Variants in LHFPL6 observed in about 807,000 individuals in gnomAD.
LHFPL6 encodes the protein LHFPL tetraspan subfamily member 6.
In LHFPL6, 9 loss-of-function variants were observed where a neutral mutation model predicts 20.6. The ratio of observed to expected loss-of-function variants is 0.44; its 90% CI spans 0.26 to 0.76. The LOEUF (loss-of-function observed/expected upper bound fraction) is 0.76. Ranked by LOEUF, LHFPL6 falls within the 30% of genes least tolerant of loss-of-function variation. LHFPL6 has a pLI of 0.20. For synonymous variants in LHFPL6, 105 were observed against 98.7 expected (o/e 1.06, Z -0.38); for missense variants, 218 against 253.5 (o/e 0.86, Z 0.95).
At position 39,343,603 on chromosome 13, in the gene LHFPL6, TTGTGTGTGTGTG is replaced by T. The variant is rs67172252; in HGVS notation, c.*321_*332del. ...ACCCTTGTTTGTATATGTAGATTTG[TTGTGTGTGTGTG>T]TGTGTGTGTGTGTGTGTGTGTGTGT... On this transcript the variant is annotated 3_prime_UTR_variant, in exon 4 of 4. Transcript: ENST00000379589. 4.6e-3 allele frequency: 889 copies of T among 195,134 alleles called. 9 individuals are homozygous for T. Among genetic ancestry groups the T allele is most frequent in the African/African-American group, 0.019 (741 of 39,108 alleles). The allele number at this position is 195,134 out of a possible 1,614,324, so 12.1% of individuals were successfully genotyped here.
intron 3 of LHFPL6, among the ~76,000 whole-genome samples, chr13:39,371,208 A>G (rs1870159610): frequency 6.6e-6 from 1 of 152,232 alleles, no homozygotes; most frequent in African/African-American, 2.4e-5. Context: ...CTTCTTAATC[A>G]AATTAAATAG....
chr13:39,448,053 A>T (rs1872338930), intron 2 of LHFPL6, among the ~76,000 whole-genome samples: 2 of 152,172 alleles, frequency 1.3e-5, no homozygotes, highest in South Asian at 4.1e-4. Context: ...TCAATCACAC[A>T]TTCAGAACTG....
intron 3 of LHFPL6, among the ~76,000 whole-genome samples, chr13:39,351,267 G>A (rs1869562070): frequency 6.6e-6 from 1 of 152,176 alleles, no homozygotes; most frequent in Admixed American, 6.5e-5. Context: ...GTTATGAAGG[G>A]GTCTCTCCTT....
chr13:39,567,867 C>A (rs1470647550), intron 2 of LHFPL6, among the ~76,000 whole-genome samples: 1 of 152,212 alleles, frequency 6.6e-6, no homozygotes, highest in African/African-American at 2.4e-5. Flanking sequence ...TGCTTTCCCA[C>A]CCCAAAGACA....
intron 2 of LHFPL6, among the ~76,000 whole-genome samples, chr13:39,553,542 T>C (rs1047931674): frequency 2.0e-5 from 3 of 152,100 alleles, no homozygotes; most frequent in Non-Finnish European, 4.4e-5. Flanking sequence ...TGAGACTTCA[T>C]CTCTACAAAA....
intron 3 of LHFPL6, among the ~76,000 whole-genome samples, chr13:39,358,717 A>G (rs757568515): frequency 6.6e-6 from 1 of 152,234 alleles, no homozygotes; most frequent in African/African-American, 2.4e-5. Context: ...AACCACATTA[A>G]TAAGTGGGCA....
chr13:39,413,186 C>T (rs1871272950), intron 2 of LHFPL6, among the ~76,000 whole-genome samples: 1 of 152,046 alleles, frequency 6.6e-6, no homozygotes, highest in African/African-American at 2.4e-5. Flanking sequence ...GATATCTAAT[C>T]AAAGAAATCT....
At chr13:39,486,013 C>G (rs184845632) in intron 2 of LHFPL6, among the ~76,000 whole-genome samples, 1 of 152,252 alleles carries the variant, frequency 6.6e-6, no homozygotes, top group Admixed American at 6.5e-5. Context: ...ATCCAAGGCT[C>G]AAGGGTAAAT....
chr13:39,487,272 C>T (rs1345050404), intron 2 of LHFPL6, among the ~76,000 whole-genome samples: 1 of 152,144 alleles, frequency 6.6e-6, no homozygotes, highest in Admixed American at 6.6e-5. Flanking sequence ...AAAAGAAATT[C>T]TTCAATTCCC....
At chr13:39,474,260 T>C (rs1367844849) in intron 2 of LHFPL6, among the ~76,000 whole-genome samples, 3 of 152,238 alleles carry the variant, frequency 2.0e-5, no homozygotes, top group Admixed American at 2.0e-4. Flanking sequence ...TGTCTACTTG[T>C]TGTAATAATA....
rs574618005 is a variant in LHFPL6, at chr13:39,513,709, T to C, written c.385+87123A>G. 2.5e-3 allele frequency among the ~76,000 whole-genome samples: 382 copies of C among 152,304 alleles called. 2 individuals carry two copies. Among genetic ancestry groups the C allele is most frequent in the Non-Finnish European group, 3.6e-3 (243 of 68,030 alleles). On this transcript the variant is annotated intron_variant, in intron 2 of 3. Transcript: ENST00000379589. ...AGTAGGTATTATTTCCTTTTTACAG[T>C]TGGGAAGCTACACTTCAGAGAGGAT...
intron 2 of LHFPL6, among the ~76,000 whole-genome samples, chr13:39,489,278 C>T (rs1182750959): frequency 1.3e-5 from 2 of 152,150 alleles, no homozygotes; most frequent in African/African-American, 4.8e-5. Context: ...ATACTTTCTT[C>T]TTTTTCTAGA....
intron 3 of LHFPL6, among the ~76,000 whole-genome samples, chr13:39,349,365 T>C (rs1405854776): frequency 6.6e-6 from 1 of 152,114 alleles, no homozygotes; most frequent in Non-Finnish European, 1.5e-5. Flanking sequence ...TAGAGTAAGG[T>C]GTGTCAATAG....
chr13:39,464,701 T>TC (rs1491516149), intron 2 of LHFPL6, among the ~76,000 whole-genome samples: 2 of 29,222 alleles, frequency 6.8e-5, no homozygotes, highest in Non-Finnish European at 1.1e-4. Flanking sequence ...AAGCACAGTC[T>TC]TTTTTTTTTT....
intron 2 of LHFPL6, among the ~76,000 whole-genome samples, chr13:39,542,023 A>G (rs555306667): frequency 9.6e-4 from 145 of 151,664 alleles, no homozygotes; most frequent in African/African-American, 3.0e-3. Flanking sequence ...CCCGGGAGGC[A>G]GAGCTTGCAG....
In LHFPL6 at chr13:39,464,700, CT is replaced by C. The variant is rs57418375; in HGVS notation, c.386-86175del. Among the ~76,000 whole-genome samples, 1,285 of 137,876 alleles carry C rather than the reference CT, an allele frequency of 9.3e-3. 11 individuals carry two copies. The highest frequency in any genetic ancestry group is 0.026 in the African/African-American group (983 of 38,192). The allele number at this position is 137,876 out of a possible 152,430, so 90.5% of individuals were successfully genotyped here. On this transcript the variant is annotated intron_variant, in intron 2 of 3. Coordinates refer to ENST00000379589, the MANE Select transcript of LHFPL6 (RefSeq NM_005780.3). ...TAACTATTGGGGGAAAAAGCACAGT[CT>C]TTTTTTTTTTTTTTTGTCTGACCTA... is the stretch of plus-strand genomic sequence containing the variant.
chr13:39,538,077 G>A (rs1464476199), intron 2 of LHFPL6, among the ~76,000 whole-genome samples: 4 of 147,804 alleles, frequency 2.7e-5, no homozygotes, highest in South Asian at 2.1e-4. Flanking sequence ...TGCAACCTCC[G>A]CCTCCCAGGT....
intron 2 of LHFPL6, among the ~76,000 whole-genome samples, chr13:39,553,420 C>T (rs1267104673): frequency 1.3e-5 from 2 of 152,160 alleles, no homozygotes; most frequent in African/African-American, 2.4e-5. Context: ...GATTTCAAAA[C>T]TTCAGGCACG....
intron 2 of LHFPL6, among the ~76,000 whole-genome samples, chr13:39,443,576 A>G (rs1056600282): frequency 6.6e-6 from 1 of 152,068 alleles, no homozygotes; most frequent in African/African-American, 2.4e-5. Context: ...GAGGGGTCAG[A>G]AGAAGACAAG....
Sources: gnomAD v4.1 joint callset for allele counts (sites outside exome capture counted in the v4.1 genomes callset) on GRCh38, gnomAD v4.1.1 for gene constraint, MANE v1.5 for transcripts, NCBI Gene and HGNC (gene_info 2026-07-23, HGNC 2026-07-21) for gene names.